Variants in SLC15A5 observed in about 807,000 individuals in gnomAD.
SLC15A5 encodes solute carrier family 15 member 5, also known as Peptide/histidine transporter ENSP00000340402.
A neutral mutation model predicts 56.1 loss-of-function variants in SLC15A5; 58 were observed. The observed-to-expected ratio is 1.03, with a 90% CI of 0.84 to 1.29. The LOEUF (loss-of-function observed/expected upper bound fraction) is 1.29. SLC15A5 is among the 50% of genes most tolerant of loss of function. SLC15A5 has a pLI of 0.00. For synonymous variants in SLC15A5, 264 were observed against 250.5 expected, an observed-to-expected ratio of 1.05 and a Z score of -0.51; for missense variants, 681 against 672.1, an observed-to-expected ratio of 1.01 and a Z score of -0.15.
chr12:16,241,232 A>G (rs1864412457), intron 4 of SLC15A5, among the ~76,000 whole-genome samples: 1 of 152,212 alleles, frequency 6.6e-6, no homozygotes, highest in Admixed American at 6.5e-5. Flanking sequence ...CCAAACTCGT[A>G]TGGTACAAGA....
intron 7 of SLC15A5, among the ~76,000 whole-genome samples, chr12:16,212,296 A>G (rs1310898728): frequency 6.6e-6 from 1 of 152,126 alleles, no homozygotes; most frequent in Non-Finnish European, 1.5e-5. Flanking sequence ...CCTGTCTGAG[A>G]AAAGTGAAGT....
At chr12:16,217,066 A>G (rs1469016040) in intron 6 of SLC15A5, 42 bp from the exon 7 acceptor site, 1 of 1,507,310 alleles carries the variant, frequency 6.6e-7, no homozygotes, top group African/African-American at 1.4e-5. Context: ...CTTTCTCCTG[A>G]AAATGCTTTC....
chr12:16,250,749 T>G (rs1864511654), intron 3 of SLC15A5, among the ~76,000 whole-genome samples: 2 of 151,898 alleles, frequency 1.3e-5, no homozygotes, highest in Non-Finnish European at 2.9e-5. Context: ...GTCAGAGAGG[T>G]AAAGAAAAGA....
intron 6 of SLC15A5, among the ~76,000 whole-genome samples, chr12:16,220,863 T>G (rs1007104264): frequency 7.2e-5 from 11 of 152,188 alleles, no homozygotes; most frequent in Non-Finnish European, 1.2e-4. Context: ...AGAGCAGTAT[T>G]AGGCACACTG....
chr12:16,195,265 A>G (rs1863883013), intron 7 of SLC15A5, among the ~76,000 whole-genome samples: 1 of 152,012 alleles, frequency 6.6e-6, no homozygotes, highest in Admixed American at 6.6e-5. Context: ...CTATCCACGT[A>G]CATACTTTTT....
chr12:16,220,503 T>G (rs1361310951), intron 6 of SLC15A5, among the ~76,000 whole-genome samples: 1 of 152,260 alleles, frequency 6.6e-6, no homozygotes, highest in Non-Finnish European at 1.5e-5. Flanking sequence ...GCCTATGCCT[T>G]GTACCTCAGA....
chr12:16,193,025 C>T (rs758665174), intron 8 of SLC15A5, among the ~76,000 whole-genome samples: 7 of 151,942 alleles, frequency 4.6e-5, no homozygotes, highest in Admixed American at 6.6e-5. Flanking sequence ...CAAACCTTAC[C>T]ATAGGATACA....
chr12:16,221,966 A>T (rs554397650), intron 6 of SLC15A5, among the ~76,000 whole-genome samples: 2 of 152,272 alleles, frequency 1.3e-5, no homozygotes, highest in East Asian at 3.9e-4. Context: ...CAGGTGGTTT[A>T]TGGCAGAAAG....
chr12:16,274,626 C>G (rs1864798120), intron 1 of SLC15A5, among the ~76,000 whole-genome samples: 6 of 151,970 alleles, frequency 3.9e-5, no homozygotes, highest in Admixed American at 3.9e-4. Flanking sequence ...TGAAATGTTC[C>G]CTTTTAAGGT....
intron 3 of SLC15A5, among the ~76,000 whole-genome samples, chr12:16,247,088 G>A (rs1264507558): frequency 2.6e-5 from 4 of 152,070 alleles, no homozygotes; most frequent in Non-Finnish European, 5.9e-5. Context: ...TTTTCTCTTA[G>A]TGTCTGTATT....
rs375706315 is a variant in SLC15A5, at chr12:16,272,705, G to C, written c.440C>G (p.Pro147Arg). Residue 147 changes from proline (P) to arginine (R), a missense_variant, in exon 2 of 9, where the codon CCA becomes CGA. By Grantham distance (103) the Pro-to-Arg change is moderately radical. Transcript: ENST00000344941. Reference protein sequence around the residue: ...LGTYHAVNNIPKTEQHRLFYV... With the variant: ...LGTYHAVNNIRKTEQHRLFYV... ...AAACAGCCTGTGCTGCTCTGTTTTT[G>C]GTATGTTGTTAACTGCATGGTAAGT... is the stretch of plus-strand genomic sequence containing the variant. 3.1e-4 allele frequency: 480 copies of C among 1,537,168 alleles called. No homozygotes were observed. The highest frequency in any genetic ancestry group is 3.8e-4 in the Non-Finnish European group (435 of 1,146,766).
Position 16,233,000 on chromosome 12 carries a change from A to G in SLC15A5, c.1162+6681T>C, listed in dbSNP as rs561598063. Among the ~76,000 whole-genome samples the G allele has an allele frequency of 1.8e-4, 27 of 151,982 alleles. 1 individual carries two copies. In the South Asian group the frequency reaches 3.7e-3, roughly 21 times the overall value. Reference sequence around the variant, plus strand: ...AGAAAGAGAGGGAGGGAGGGAGGGAAGGAAGGAGAAAGAAAGAAAGGAAGA... The same window carrying G: ...AGAAAGAGAGGGAGGGAGGGAGGGAGGGAAGGAGAAAGAAAGAAAGGAAGA... On this transcript the variant is annotated intron_variant, in intron 5 of 8. Transcript: ENST00000344941.
chr12:16,223,028 T>TA (rs200325574), intron 6 of SLC15A5, among the ~76,000 whole-genome samples: 1 of 152,094 alleles, frequency 6.6e-6, no homozygotes, highest in East Asian at 1.9e-4. Context: ...TATACAATTA[T>TA]AAAAAAAGAA....
Position 16,244,819 on chromosome 12 carries a change from A to G in SLC15A5, c.755-19T>C, listed in dbSNP as rs1274560192. On this transcript the variant is annotated intron_variant, in intron 3 of 8. Coordinates refer to ENST00000344941, the MANE Select transcript of SLC15A5 (RefSeq NM_001170798.1). ...GAACAACCTGCAAGTAATCGGAGATATTATGTATTAGTATAGGAATTGTTC... is the reference window on the plus strand; with the variant it reads ...GAACAACCTGCAAGTAATCGGAGATGTTATGTATTAGTATAGGAATTGTTC... The G allele has an allele frequency of 6.5e-7, 1 of 1,527,804 alleles. No individual in the cohort carries two copies. The highest frequency in any genetic ancestry group is 1.2e-5 in the South Asian group (1 of 83,656). 94.6% of individuals were successfully genotyped at this position (1,527,804 alleles called of 1,614,324 possible).
At chr12:16,236,053 A>G (rs945397730) in intron 5 of SLC15A5, among the ~76,000 whole-genome samples, 3 of 152,170 alleles carry the variant, frequency 2.0e-5, no homozygotes, top group Non-Finnish European at 4.4e-5. Flanking sequence ...AAAAGCCAAG[A>G]TAATTGCTAC....
chr12:16,276,243 T>C (rs955181702), intron 1 of SLC15A5, among the ~76,000 whole-genome samples: 5 of 152,032 alleles, frequency 3.3e-5, no homozygotes, highest in Non-Finnish European at 7.4e-5. Flanking sequence ...ATGGATTCTC[T>C]GAATGGTAAT....
At chr12:16,238,569 G>A (rs535667876) in intron 5 of SLC15A5, among the ~76,000 whole-genome samples, 1 of 148,266 alleles carries the variant, frequency 6.7e-6, no homozygotes, top group African/African-American at 2.5e-5. Context: ...GGAAGAGGTT[G>A]TAGTGAGCCG....
At chr12:16,209,821 G>C (rs1341414542) in intron 7 of SLC15A5, among the ~76,000 whole-genome samples, 1 of 152,036 alleles carries the variant, frequency 6.6e-6, no homozygotes, top group Non-Finnish European at 1.5e-5. Flanking sequence ...TACTATTCCA[G>C]ACTTTCCTGG....
intron 2 of SLC15A5, among the ~76,000 whole-genome samples, chr12:16,262,680 C>T (rs909774240): frequency 6.6e-6 from 1 of 152,224 alleles, no homozygotes; most frequent in African/African-American, 2.4e-5. Flanking sequence ...ATCCAAATCT[C>T]AACTTGTAGC....
Sources: gnomAD v4.1 joint callset for allele counts (sites outside exome capture counted in the v4.1 genomes callset) on GRCh38, gnomAD v4.1.1 for gene constraint, MANE v1.5 for transcripts, NCBI Gene and HGNC (gene_info 2026-07-23, HGNC 2026-07-21) for gene names.